Variants in MEF2A observed in about 807,000 individuals in gnomAD.
MEF2A encodes the protein myocyte enhancer factor 2A.
A neutral mutation model predicts 55.8 loss-of-function variants in MEF2A; 28 were observed. The observed-to-expected ratio is 0.50, with a 90% CI of 0.37 to 0.69. MEF2A has a LOEUF of 0.69. Among genes scored for constraint, MEF2A ranks in the 30% least tolerant of loss-of-function variants. The probability of loss-of-function intolerance (pLI) is 0.00; values close to 1 mark genes in which losing one functional copy is unlikely to be tolerated. For missense variants in MEF2A, 528 were observed against 626.2 expected (o/e 0.84, Z 1.67); for synonymous variants, 239 against 227.1 (o/e 1.05, Z -0.47).
intron 2 of MEF2A, among the ~76,000 whole-genome samples, chr15:99,632,377 G>A (rs957482197): frequency 1.3e-5 from 2 of 152,166 alleles, no homozygotes; most frequent in African/African-American, 4.8e-5. Context: ...ATAGTGATTT[G>A]GCTGGAGGCT....
At chr15:99,681,572 A>C (rs964485143) in intron 7 of MEF2A, among the ~76,000 whole-genome samples, 4 of 152,180 alleles carry the variant, frequency 2.6e-5, no homozygotes, top group Non-Finnish European at 5.9e-5. Context: ...AGAGAAGAAG[A>C]TATGTTGCCT....
chr15:99,627,398 C>T (rs543782948), intron 2 of MEF2A, among the ~76,000 whole-genome samples: 15 of 108,772 alleles, frequency 1.4e-4, no homozygotes, highest in South Asian at 3.3e-4. Flanking sequence ...CCAGCCTGGG[C>T]GACAGAGTGA....
chr15:99,643,078 A>T (rs2053118), intron 3 of MEF2A, among the ~76,000 whole-genome samples: 1,843 of 152,302 alleles, frequency 0.012, 14 homozygotes, highest in Non-Finnish European at 0.019. Context: ...AATTGAAATC[A>T]GTTTAAAAAT....
chr15:99,571,279 T>TTC (rs1962178394), intron 1 of MEF2A, among the ~76,000 whole-genome samples: 1 of 152,196 alleles, frequency 6.6e-6, no homozygotes, highest in Non-Finnish European at 1.5e-5. Flanking sequence ...TACTTGCACT[T>TTC]TGTGTTCTTC....
Position 99,712,563 on chromosome 15 carries a change from CACA to C in MEF2A, c.1313_1315del (p.Gln438del). 1 of 1,550,710 alleles carries C rather than the reference CACA, an allele frequency of 6.4e-7. No homozygotes were observed. Among genetic ancestry groups the C allele is most frequent in the South Asian group, 1.2e-5 (1 of 83,954 alleles). On this transcript the variant is annotated inframe_deletion, in exon 12 of 12. Transcript: ENST00000557942. This position sits in a 1 kb window ranked among gnomAD's most constrained non-coding sequence, Gnocchi z 4.1. Reference sequence around the variant, plus strand: ...CCGCCGCCACCACCGCAGCCCCAGCCACAACCCCCGCAGCCCCAGCCCCGACAG... The same window carrying C: ...CCGCCGCCACCACCGCAGCCCCAGCCACCCCCGCAGCCCCAGCCCCGACAG...
intron 1 of MEF2A, among the ~76,000 whole-genome samples, chr15:99,592,644 A>T (rs915917807): frequency 6.6e-6 from 1 of 152,272 alleles, no homozygotes; most frequent in East Asian, 1.9e-4. Context: ...TCATGGTGAA[A>T]GGGAAAAGGG....
intron 3 of MEF2A, among the ~76,000 whole-genome samples, chr15:99,638,888 G>A (rs1439702744): frequency 6.6e-6 from 1 of 152,100 alleles, no homozygotes; most frequent in Non-Finnish European, 1.5e-5. Context: ...TAGAATCTTA[G>A]CATCTCCAGT....
intron 4 of MEF2A, among the ~76,000 whole-genome samples, chr15:99,651,743 A>G (rs1321944365): frequency 6.6e-6 from 1 of 152,194 alleles, no homozygotes; most frequent in African/African-American, 2.4e-5. Context: ...TTATTTAATC[A>G]TACAATTATT....
At chr15:99,577,061 C>T (rs1964528471) in intron 1 of MEF2A, among the ~76,000 whole-genome samples, 1 of 152,180 alleles carries the variant, frequency 6.6e-6, no homozygotes, top group Admixed American at 6.6e-5. Flanking sequence ...CTGTTTCGTT[C>T]ATTAGCAAGT....
intron 2 of MEF2A, among the ~76,000 whole-genome samples, chr15:99,616,670 C>G (rs922745968): frequency 2.0e-5 from 3 of 151,578 alleles, no homozygotes; most frequent in African/African-American, 7.3e-5. Flanking sequence ...TAGGTATATA[C>G]TAAAATAAAT....
At chr15:99,586,412 C>G (rs1967280032) in intron 1 of MEF2A, among the ~76,000 whole-genome samples, 1 of 152,134 alleles carries the variant, frequency 6.6e-6, no homozygotes, top group Admixed American at 6.5e-5. Context: ...GTTTTAATCT[C>G]CACTTCTTTG....
intron 1 of MEF2A, among the ~76,000 whole-genome samples, chr15:99,592,420 G>A (rs1165368205): frequency 6.6e-6 from 1 of 152,082 alleles, no homozygotes; most frequent in Non-Finnish European, 1.5e-5. Flanking sequence ...AGCCATATGT[G>A]GCTCTTGAGT....
intron 1 of MEF2A, among the ~76,000 whole-genome samples, chr15:99,585,402 A>T (rs1966877801): frequency 6.6e-6 from 1 of 152,110 alleles, no homozygotes; most frequent in African/African-American, 2.4e-5. Context: ...TACTGACTTA[A>T]AGATATTGTT....
At chr15:99,568,120 T>A (rs1439259465) in intron 1 of MEF2A, among the ~76,000 whole-genome samples, 1 of 152,214 alleles carries the variant, frequency 6.6e-6, no homozygotes, top group African/African-American at 2.4e-5. Flanking sequence ...GTGGTTTGAT[T>A]TCATATTAGA....
intron 2 of MEF2A, among the ~76,000 whole-genome samples, chr15:99,603,508 G>A (rs1974022394): frequency 6.7e-6 from 1 of 149,570 alleles, no homozygotes. Context: ...GATTAGCTGG[G>A]ACTGTAGGCA....
At chr15:99,705,519 A>G (rs143331977) in intron 9 of MEF2A, among the ~76,000 whole-genome samples, 10 of 152,348 alleles carry the variant, frequency 6.6e-5, no homozygotes, top group Non-Finnish European at 1.2e-4. Context: ...CCCAATGCCT[A>G]GGAAATGGTG....
chr15:99,597,807 A>G (rs1164511931), intron 1 of MEF2A, among the ~76,000 whole-genome samples: 1 of 152,154 alleles, frequency 6.6e-6, no homozygotes, highest in African/African-American at 2.4e-5. Flanking sequence ...CTACATGAAT[A>G]TTGGGGCAGA....
chr15:99,716,342 T>C lies in MEF2A; in HGVS notation c.*3571T>C. On this transcript the variant is annotated 3_prime_UTR_variant, in exon 12 of 12. Transcript: ENST00000557942. ...TTTAAGAAAAATAAGTTAATCTCAA[T>C]TTTTCCCTGAATGTGTTGTTTTTCT... The C allele has an allele frequency of 2.8e-6, 1 of 351,258 alleles. No homozygotes were observed. Among genetic ancestry groups the C allele is most frequent in the South Asian group, 2.2e-5 (1 of 45,792 alleles). The allele number at this position is 351,258 out of a possible 1,614,324, so 21.8% of individuals were successfully genotyped here.
intron 3 of MEF2A, among the ~76,000 whole-genome samples, chr15:99,635,570 C>T (rs377290186): frequency 2.0e-4 from 30 of 152,212 alleles, no homozygotes; most frequent in Admixed American, 4.6e-4. Flanking sequence ...GAGCACCACC[C>T]GAGAGGCACT....
Sources: gnomAD v4.1 joint callset for allele counts (sites outside exome capture counted in the v4.1 genomes callset) on GRCh38, gnomAD v4.1.1 for gene constraint, Gnocchi (gnomAD v3.1) non-coding constraint, MANE v1.5 for transcripts, NCBI Gene and HGNC (gene_info 2026-07-23, HGNC 2026-07-21) for gene names.